The following OPHN1 variants were observed in gnomAD, a reference collection of about 807,000 sequenced individuals.
The protein encoded by OPHN1 is oligophrenin 1.
In OPHN1, 11 loss-of-function variants were observed where a neutral mutation model predicts 60.7. The ratio of observed to expected loss-of-function variants is 0.18; its 90% CI spans 0.11 to 0.30. The LOEUF is 0.30. Among genes scored for constraint, OPHN1 ranks in the 10% least tolerant of loss-of-function variants. OPHN1 has a pLI of 1.00. For missense variants in OPHN1, 449 were observed against 611.0 expected (o/e 0.73, Z 2.80); for synonymous variants, 226 against 222.6 (o/e 1.02, Z -0.14).
intron 20 of OPHN1, chrX:68,071,323 C>G: frequency 1.3e-6 from 1 of 755,705 alleles, no homozygotes; most frequent in Non-Finnish European, 2.1e-6. Flanking sequence ...AAGTGAAGCT[C>G]GGAAAGCTTC....
At chrX:68,316,089 G>A (rs5965544) in intron 2 of OPHN1, among the ~76,000 whole-genome samples, 8,994 of 109,849 alleles carry the variant, frequency 0.082, 921 homozygotes, top group African/African-American at 0.28. Flanking sequence ...ATACAGAGGG[G>A]CATTACATAA....
intron 2 of OPHN1, among the ~76,000 whole-genome samples, chrX:68,380,423 A>G (rs1203546301): frequency 1.0e-4 from 11 of 110,294 alleles, no homozygotes; most frequent in Non-Finnish European, 1.9e-5. Context: ...TTGTGTCTCT[A>G]TTTCCTTCAG....
At chrX:68,383,804 C>G (rs912422201) in intron 2 of OPHN1, among the ~76,000 whole-genome samples, 4 of 110,127 alleles carry the variant, frequency 3.6e-5, no homozygotes, top group Admixed American at 9.8e-5. Context: ...TTTTGGTAGT[C>G]TGAGGCAAAA....
intron 20 of OPHN1, chrX:68,070,674 C>T (rs773052872): frequency 2.1e-6 from 2 of 955,997 alleles, no homozygotes; most frequent in East Asian, 3.1e-5. Flanking sequence ...GATGGTAATG[C>T]AGCCCCTAGA....
intron 6 of OPHN1, among the ~76,000 whole-genome samples, chrX:68,217,017 C>T (rs936014918): frequency 1.8e-5 from 2 of 111,645 alleles, no homozygotes; most frequent in South Asian, 3.8e-4. Flanking sequence ...TCTGACATAC[C>T]GGGTTCATCT....
At chrX:68,186,781 T>C (rs1209111385) in intron 15 of OPHN1, among the ~76,000 whole-genome samples, 2 of 111,271 alleles carry the variant, frequency 1.8e-5, no homozygotes, top group African/African-American at 6.5e-5. Context: ...CTTCATATGG[T>C]GTAAAGAGAG....
At chrX:68,060,376 T>A (rs1413797458) in intron 21 of OPHN1, among the ~76,000 whole-genome samples, 1 of 111,223 alleles carries the variant, frequency 9.0e-6, no homozygotes, top group Non-Finnish European at 1.9e-5. Context: ...GAGCAAGTTG[T>A]TTTGTGTCTG....
chrX:68,378,449 G>GTA (rs1569296754), intron 2 of OPHN1, among the ~76,000 whole-genome samples: 2 of 111,597 alleles, frequency 1.8e-5, no homozygotes, highest in African/African-American at 6.5e-5. Flanking sequence ...GATCCCATTG[G>GTA]TCAAATTTTG....
chrX:68,113,052 G>A (rs980976911), intron 17 of OPHN1, 129 bp downstream of exon 17: 25 of 494,618 alleles, frequency 5.1e-5, no homozygotes, highest in Middle Eastern at 5.2e-4. Flanking sequence ...TGGCAGTTGT[G>A]CATAATTTGT....
intron 2 of OPHN1, among the ~76,000 whole-genome samples, chrX:68,349,565 C>G (rs2078396575): frequency 9.0e-6 from 1 of 111,686 alleles, no homozygotes; most frequent in South Asian, 3.8e-4. Context: ...TGGGTATATA[C>G]CCAAAGGATT....
At chrX:68,331,726 G>A (rs1311261222) in intron 2 of OPHN1, among the ~76,000 whole-genome samples, 1 of 81,075 alleles carries the variant, frequency 1.2e-5, no homozygotes, top group Admixed American at 1.5e-4. Flanking sequence ...GCTAGACTCT[G>A]TATCAAAAAA....
intron 7 of OPHN1, 61 bp downstream of exon 7, chrX:68,213,801 T>G (rs1022196478): frequency 1.5e-6 from 1 of 676,095 alleles, no homozygotes. Flanking sequence ...GATCAAAGTT[T>G]GTACATTTAC....
chrX:68,352,814 G>A (rs1418384408), intron 2 of OPHN1, among the ~76,000 whole-genome samples: 1 of 111,874 alleles, frequency 8.9e-6, no homozygotes, highest in Non-Finnish European at 1.9e-5. Flanking sequence ...ATGGTAAGAA[G>A]GGAAAAAAGT....
At chrX:68,351,746 G>A (rs190088076) in intron 2 of OPHN1, among the ~76,000 whole-genome samples, 1 of 111,484 alleles carries the variant, frequency 9.0e-6, no homozygotes, top group African/African-American at 3.3e-5. Flanking sequence ...GCCCAGGCGG[G>A]AGTGCAGTGC....
intron 2 of OPHN1, among the ~76,000 whole-genome samples, chrX:68,377,656 C>T (rs770915102): frequency 1.8e-5 from 2 of 108,585 alleles, no homozygotes; most frequent in African/African-American, 6.7e-5. Flanking sequence ...GTTCAATTCC[C>T]ACCTACGAGT....
At chrX:68,133,426 C>T (rs1687453636) in intron 15 of OPHN1, 5 of 727,922 alleles carry the variant, frequency 6.9e-6, no homozygotes. Flanking sequence ...ACAAGGCCAA[C>T]AAGCCATGTG....
At chrX:68,376,115 C>T (rs2047366791) in intron 2 of OPHN1, among the ~76,000 whole-genome samples, 1 of 111,408 alleles carries the variant, frequency 9.0e-6, no homozygotes. Flanking sequence ...ATATAGTCTT[C>T]CACTTTTACA....
chrX:68,171,507 G>A (rs1028562830), intron 15 of OPHN1, among the ~76,000 whole-genome samples: 1 of 111,139 alleles, frequency 9.0e-6, no homozygotes, highest in East Asian at 2.8e-4. Flanking sequence ...AGGCTGAGGC[G>A]GGCAGATCAC....
intron 2 of OPHN1, among the ~76,000 whole-genome samples, chrX:68,327,878 G>A (rs1444152520): frequency 2.0e-5 from 2 of 99,526 alleles, no homozygotes; most frequent in South Asian, 4.4e-4. Context: ...GCCAGACTGC[G>A]GACTGCAGGG....
Sources: allele counts gnomAD v4.1 joint callset (sites outside exome capture counted in the v4.1 genomes callset), GRCh38; gene constraint gnomAD v4.1.1; transcripts MANE v1.5; gene names NCBI Gene and HGNC (gene_info 2026-07-23, HGNC 2026-07-21).